SMG9: variants seen among roughly 807,000 people sequenced by gnomAD.
SMG9 encodes nonsense-mediated mRNA decay factor SMG9.
A neutral mutation model predicts 64.0 loss-of-function variants in SMG9; 55 were observed. That is an observed-to-expected ratio of 0.86 (90% confidence interval 0.69 to 1.08). SMG9 has a LOEUF of 1.08. Ranked by LOEUF, SMG9 falls within the 50% of genes least tolerant of loss-of-function variation. SMG9 has a pLI of 0.00. For missense variants in SMG9, 554 were observed against 681.3 expected (o/e 0.81, Z 2.08); for synonymous variants, 244 against 254.8 (o/e 0.96, Z 0.41).
At chr19:43,737,406 T>G (rs552556541) in intron 9 of SMG9, among the ~76,000 whole-genome samples, 191 bp downstream of exon 9, 153 of 152,322 alleles carry the variant, frequency 1.0e-3, no homozygotes, top group Non-Finnish European at 1.9e-3. Context: ...CTGGTAGATA[T>G]GTAAAGTCAG....
intron 1 of SMG9, among the ~76,000 whole-genome samples, chr19:43,751,419 G>A (rs1175798307): frequency 2.0e-5 from 3 of 152,352 alleles, no homozygotes; most frequent in Admixed American, 6.5e-5. Flanking sequence ...TTATAGGCGT[G>A]AGCCACCATG....
chr19:43,738,268 G>T, intron 7 of SMG9, 51 bp from the exon 8 acceptor site: 1 of 1,501,740 alleles, frequency 6.7e-7, no homozygotes, highest in Non-Finnish European at 9.3e-7. Flanking sequence ...AGTTTCACAC[G>T]CTCAAGGCAA....
chr19:43,745,991 A>C (rs1968989672), intron 5 of SMG9, among the ~76,000 whole-genome samples: 1 of 151,728 alleles, frequency 6.6e-6, no homozygotes, highest in Non-Finnish European at 1.5e-5. Context: ...ACAGGAGCGA[A>C]ATTCCATCAC....
In SMG9 at chr19:43,728,799, G is replaced by C. The variant is rs1968380064; in HGVS notation, c.*2797C>G. 1 of 175,444 alleles carries C rather than the reference G, an allele frequency of 5.7e-6. No homozygotes were observed. The highest frequency in any genetic ancestry group is 6.5e-5 in the Admixed American group (1 of 15,300). The allele number at this position is 175,444 out of a possible 1,614,324, so 10.9% of individuals were successfully genotyped here. On this transcript the variant is annotated 3_prime_UTR_variant, in exon 14 of 14. Transcript: ENST00000270066. ...CAACATGGCCTGCTCCAGTGTAGAA[G>C]CTGATTGAGCGGTGCTCATGTTTCC...
intron 5 of SMG9, among the ~76,000 whole-genome samples, chr19:43,745,862 G>A (rs1968983781): frequency 6.6e-6 from 1 of 152,212 alleles, no homozygotes; most frequent in African/African-American, 2.4e-5. Flanking sequence ...TTAGTTGGGT[G>A]TGGTGGTACA....
rs575433529 is a variant in SMG9, at chr19:43,731,408, G to A, written c.*188C>T. On this transcript the variant is annotated 3_prime_UTR_variant, in exon 14 of 14. Transcript: ENST00000270066. ...GGTGGGATCGCTCACAGTCACCCCC[G>A]GAACAGCCCCAACTGAGGGTGGGGG... 4.2e-5 allele frequency: 60 copies of A among 1,412,754 alleles called. No individual in the cohort carries two copies. Among genetic ancestry groups the A allele is most frequent in the African/African-American group, 2.5e-4 (17 of 68,582 alleles). 87.5% of individuals were successfully genotyped at this position (1,412,754 alleles called of 1,614,324 possible).
At chr19:43,745,963 T>G (rs1474139701) in intron 5 of SMG9, among the ~76,000 whole-genome samples, 2 of 151,870 alleles carry the variant, frequency 1.3e-5, no homozygotes, top group African/African-American at 4.8e-5. Flanking sequence ...ATCGTGCCAT[T>G]GCACTCCAGC....
chr19:43,749,937 T>C (rs1238657513), intron 2 of SMG9, among the ~76,000 whole-genome samples: 2 of 152,198 alleles, frequency 1.3e-5, no homozygotes, highest in Non-Finnish European at 2.9e-5. Flanking sequence ...TTAGTGAAAA[T>C]CAGATCTATC....
intron 2 of SMG9, chr19:43,750,258 T>C (rs1462280990): frequency 5.4e-6 from 3 of 551,130 alleles, no homozygotes; most frequent in Non-Finnish European, 7.1e-6. Flanking sequence ...CCTGGCCTCC[T>C]ATGGCTACTC....
At chr19:43,739,823 GAACT>G (rs1600199133) in intron 7 of SMG9, 2 of 420,028 alleles carry the variant, frequency 4.8e-6, no homozygotes, top group Non-Finnish European at 8.8e-6. Flanking sequence ...CAGCTGGTAA[GAACT>G]AACAGACAGG....
rs749888109 is a variant in SMG9 at position 43,734,489 on chromosome 19, C to T, written c.1002G>A (p.Leu334=). 5.1e-6 allele frequency: 8 copies of T among 1,556,198 alleles called. No individual in the cohort carries two copies. Among genetic ancestry groups the T allele is most frequent in the Non-Finnish European group, 7.0e-6 (8 of 1,149,442 alleles). The change falls in exon 10 of 14, where the codon CTG becomes CTA. Residue 334 remains leucine (L), a synonymous_variant. Coordinates refer to ENST00000270066, the MANE Select transcript of SMG9 (RefSeq NM_019108.4). ...WFTDLSLYRF[L]QTAEMVKPST... ...AGGGCTTCACCATCTCTGCTGTCTGCAGGAACCTTGGGGTTTGGGGTGAGT... is the reference window on the plus strand; with the variant it reads ...AGGGCTTCACCATCTCTGCTGTCTGTAGGAACCTTGGGGTTTGGGGTGAGT...
At chr19:43,747,347 T>C in intron 5 of SMG9, 95 bp downstream of exon 5, 1 of 1,309,410 alleles carries the variant, frequency 7.6e-7, no homozygotes. Flanking sequence ...GTAAGTTGCC[T>C]CAAAACCCTC....
chr19:43,745,032 C>T, intron 5 of SMG9, 148 bp from the exon 6 acceptor site: 2 of 559,156 alleles, frequency 3.6e-6, no homozygotes, highest in Non-Finnish European at 6.5e-6. Flanking sequence ...TTCAACTAGG[C>T]ATAGGGCCTC....
chr19:43,737,976 T>A (rs942859590), intron 8 of SMG9, 146 bp downstream of exon 8: 4 of 780,662 alleles, frequency 5.1e-6, no homozygotes, highest in Non-Finnish European at 8.6e-6. Context: ...ACTCTCAGTG[T>A]TGTCCTCTTC....
At chr19:43,734,527 T>C (rs35289907) in intron 9 of SMG9, 32 bp from the exon 10 acceptor site, 210 of 1,463,406 alleles carry the variant, frequency 1.4e-4, no homozygotes, top group Middle Eastern at 1.4e-3. Flanking sequence ...CTGTTGCTCT[T>C]GCACTTGCAC....
At chr19:43,748,606 T>G (rs1386330257) in intron 2 of SMG9, 1 of 516,920 alleles carries the variant, frequency 1.9e-6, no homozygotes, top group African/African-American at 1.9e-5. Context: ...CACCTCTGCC[T>G]CAGCCCCCTC....
At position 43,731,490 on chromosome 19, in the gene SMG9, C is replaced by T; in HGVS notation, c.*106G>A. The T allele has an allele frequency of 6.4e-7, 1 of 1,552,306 alleles. No individual in the cohort carries two copies. The highest frequency in any genetic ancestry group is 8.7e-7 in the Non-Finnish European group (1 of 1,147,320). On this transcript the variant is annotated 3_prime_UTR_variant, in exon 14 of 14. Coordinates refer to ENST00000270066, the MANE Select transcript of SMG9 (RefSeq NM_019108.4). ...CGGGAAGCCACGATCCCTCATCCAT[C>T]AGGCCTGCTGCCGCTCTCCACCCCA...
chr19:43,737,884 C>A, intron 8 of SMG9: 1 of 650,716 alleles, frequency 1.5e-6, no homozygotes, highest in South Asian at 1.9e-5. Context: ...CCATTTTACA[C>A]AGGCAGATGC....
chr19:43,734,895 C>G (rs761494444), intron 9 of SMG9: 24 of 163,772 alleles, frequency 1.5e-4, no homozygotes, highest in Non-Finnish European at 2.8e-4. Flanking sequence ...CATTATCACC[C>G]AAAATCCCTA....
Sources: allele counts gnomAD v4.1 joint callset (sites outside exome capture counted in the v4.1 genomes callset), GRCh38; gene constraint gnomAD v4.1.1; transcripts MANE v1.5; gene names NCBI Gene and HGNC (gene_info 2026-07-23, HGNC 2026-07-21).